CAP2: variants seen among roughly 807,000 people sequenced by gnomAD.
The protein encoded by CAP2 is adenylyl cyclase-associated protein 2.
Under a neutral mutation model 57.7 loss-of-function variants are expected in CAP2, and 24 were observed. The ratio of observed to expected loss-of-function variants is 0.42; its 90% CI spans 0.30 to 0.58. The LOEUF is 0.58. Among genes scored for constraint, CAP2 ranks in the 20% least tolerant of loss-of-function variants. CAP2 has a pLI of 0.22. For missense variants in CAP2, 501 were observed against 590.3 expected (o/e 0.85, Z 1.57); for synonymous variants, 194 against 207.2 (o/e 0.94, Z 0.55).
chr6:17,413,489 C>T (rs1178651397), intron 1 of CAP2, among the ~76,000 whole-genome samples: 2 of 152,126 alleles, frequency 1.3e-5, no homozygotes, highest in Non-Finnish European at 2.9e-5. Flanking sequence ...CCTCACACTA[C>T]AGTAGGGCAG....
chr6:17,490,860 G>A (rs1487405727), intron 4 of CAP2, among the ~76,000 whole-genome samples: 1 of 152,198 alleles, frequency 6.6e-6, no homozygotes, highest in South Asian at 2.1e-4. Flanking sequence ...AAGGATCATG[G>A]CGCCTTAACA....
intron 3 of CAP2, among the ~76,000 whole-genome samples, chr6:17,437,992 A>G (rs1759944160): frequency 6.6e-6 from 1 of 152,192 alleles, no homozygotes; most frequent in Non-Finnish European, 1.5e-5. Flanking sequence ...AGAGAACTTT[A>G]CATGTTGGGG....
intron 7 of CAP2, among the ~76,000 whole-genome samples, chr6:17,518,198 A>AT (rs1762313285): frequency 6.6e-6 from 1 of 152,136 alleles, no homozygotes; most frequent in South Asian, 2.1e-4. Flanking sequence ...ATATTTCCTG[A>AT]TTTTTTATCT....
chr6:17,528,228 T>C (rs1428730280), intron 7 of CAP2, among the ~76,000 whole-genome samples: 1 of 152,242 alleles, frequency 6.6e-6, no homozygotes, highest in Non-Finnish European at 1.5e-5. Context: ...ATAGATTAGG[T>C]GTATTAAATG....
chr6:17,472,643 A>C (rs1761049785), intron 4 of CAP2, among the ~76,000 whole-genome samples: 1 of 152,184 alleles, frequency 6.6e-6, no homozygotes, highest in Admixed American at 6.5e-5. Flanking sequence ...TGGTAATTAC[A>C]TGGTGGCTAG....
At chr6:17,395,684 A>T (rs572382301) in intron 1 of CAP2, among the ~76,000 whole-genome samples, 1 of 152,296 alleles carries the variant, frequency 6.6e-6, no homozygotes, top group Non-Finnish European at 1.5e-5. Flanking sequence ...TGTTTTGAAT[A>T]TTTCCTAACA....
intron 6 of CAP2, 101 bp downstream of exon 6, chr6:17,507,827 C>A: frequency 1.4e-6 from 1 of 713,080 alleles, no homozygotes; most frequent in Non-Finnish European, 2.6e-6. Flanking sequence ...TTCCAAGGCT[C>A]TACACTAATG....
Position 17,507,738 on chromosome 6 carries a change from C to T in CAP2, c.530+12C>T. 6.9e-7 allele frequency: 1 copy of T among 1,443,344 alleles called. No homozygotes were observed. Among genetic ancestry groups the T allele is most frequent in the Non-Finnish European group, 9.7e-7 (1 of 1,027,150 alleles). The allele number at this position is 1,443,344 out of a possible 1,614,324, so 89.4% of individuals were successfully genotyped here. On this transcript the variant is annotated intron_variant, in intron 6 of 12. Coordinates refer to ENST00000229922, the MANE Select transcript of CAP2 (RefSeq NM_006366.3). ...GACTACAAACACAGGTACGTACCTT[C>T]CTTTACTCACCAAATTTTCAGTTGA... is the stretch of plus-strand genomic sequence containing the variant.
chr6:17,500,340 AAT>A (rs4052821), intron 4 of CAP2, among the ~76,000 whole-genome samples: 1,842 of 32,990 alleles, frequency 0.056, 55 homozygotes, highest in Admixed American at 0.13. Context: ...TGTGTGTCCA[AAT>A]ATATATATAT....
intron 4 of CAP2, among the ~76,000 whole-genome samples, chr6:17,474,183 G>GTGTTT (rs1561796154): frequency 9.5e-6 from 1 of 104,736 alleles, no homozygotes; most frequent in African/African-American, 3.8e-5. Context: ...GAAAAAAACA[G>GTGTTT]TCTTTTTTTT....
intron 7 of CAP2, chr6:17,531,707 T>G: frequency 3.1e-6 from 2 of 649,746 alleles, no homozygotes; most frequent in South Asian, 1.9e-5. Flanking sequence ...TTGTCTGACC[T>G]GTACTTAAAG....
intron 11 of CAP2, among the ~76,000 whole-genome samples, chr6:17,548,559 G>C (rs1763104286): frequency 6.6e-6 from 1 of 152,028 alleles, no homozygotes; most frequent in Admixed American, 6.6e-5. Context: ...CATTATCAGT[G>C]GTCTCAGCTA....
intron 11 of CAP2, among the ~76,000 whole-genome samples, chr6:17,544,947 C>G (rs1415648011): frequency 1.3e-5 from 2 of 152,178 alleles, no homozygotes; most frequent in Non-Finnish European, 2.9e-5. Context: ...GGAGGTTGCT[C>G]ATCTTCAGAA....
intron 2 of CAP2, among the ~76,000 whole-genome samples, chr6:17,426,208 A>G (rs1007555449): frequency 4.6e-5 from 7 of 151,644 alleles, no homozygotes; most frequent in African/African-American, 1.5e-4. Context: ...CATATTGCCT[A>G]TGGCAAGACA....
At chr6:17,446,561 T>C (rs1284205870) in intron 3 of CAP2, among the ~76,000 whole-genome samples, 2 of 152,196 alleles carry the variant, frequency 1.3e-5, no homozygotes, top group Non-Finnish European at 2.9e-5. Flanking sequence ...TTAAGAGAGA[T>C]TTGTCTTGTT....
At chr6:17,502,693 A>T (rs1277353233) in intron 4 of CAP2, among the ~76,000 whole-genome samples, 1 of 152,206 alleles carries the variant, frequency 6.6e-6, no homozygotes, top group Non-Finnish European at 1.5e-5. Context: ...TGGCCTTAAT[A>T]AATCTCTCTA....
intron 2 of CAP2, among the ~76,000 whole-genome samples, chr6:17,422,346 CTTT>C (rs11320178): frequency 5.5e-5 from 5 of 90,254 alleles, no homozygotes; most frequent in African/African-American, 9.5e-5. Flanking sequence ...ACCAACTATG[CTTT>C]TTTTTTTTTT....
chr6:17,512,547 T>C (rs1302449915), intron 6 of CAP2, among the ~76,000 whole-genome samples: 1 of 152,230 alleles, frequency 6.6e-6, no homozygotes, highest in African/African-American at 2.4e-5. Flanking sequence ...GCTCTAATAA[T>C]AGCTATGTGT....
At chr6:17,410,848 C>T (rs1759127009) in intron 1 of CAP2, among the ~76,000 whole-genome samples, 1 of 152,162 alleles carries the variant, frequency 6.6e-6, no homozygotes, top group African/African-American at 2.4e-5. Context: ...CGTGAGCCAC[C>T]ATGCCTGGCC....
Sources: gnomAD v4.1 joint callset for allele counts (sites outside exome capture counted in the v4.1 genomes callset) on GRCh38, gnomAD v4.1.1 for gene constraint, MANE v1.5 for transcripts, NCBI Gene and HGNC (gene_info 2026-07-23, HGNC 2026-07-21) for gene names.